Variants in CCDC66 observed in about 807,000 individuals in gnomAD.
CCDC66 encodes the protein coiled-coil domain containing 66.
Under a neutral mutation model 128.3 loss-of-function variants are expected in CCDC66, and 133 were observed. That is an observed-to-expected ratio of 1.04 (90% CI 0.90 to 1.20). The LOEUF (loss-of-function observed/expected upper bound fraction) is 1.20. Among genes scored for constraint, CCDC66 ranks in the 50% most tolerant of loss-of-function variants. The pLI is 0.00. For synonymous variants in CCDC66, 387 were observed against 357.0 expected, an observed-to-expected ratio of 1.08 and a Z score of -0.95; for missense variants, 1,126 against 1,075.5, an observed-to-expected ratio of 1.05 and a Z score of -0.66.
chr3:56,580,325 C>T (rs1185998739), intron 7 of CCDC66, among the ~76,000 whole-genome samples: 2 of 151,400 alleles, frequency 1.3e-5, no homozygotes, highest in Non-Finnish European at 1.5e-5. Flanking sequence ...GATGGGTCTC[C>T]GGAATACAGC....
rs376239711 is a variant in CCDC66 at position 56,593,712 on chromosome 3, T to C, written c.1290T>C (p.Asp430=). ...AGCATATAGCAAAACCTATTAAGGA[T>C]GTGGTTATGGCAAACAGTAAGAAAA... The part of the protein sequence containing the change: ...EEEHIAKPIK[D]VVMANSKKTN... The change falls in exon 9 of 18, where the codon GAT becomes GAC. Residue 430 remains aspartate, a synonymous_variant. Transcript: ENST00000394672. 243 of 1,613,604 alleles carry C rather than the reference T, an allele frequency of 1.5e-4. No homozygotes were observed. Among genetic ancestry groups the C allele is most frequent in the Non-Finnish European group, 2.0e-4 (241 of 1,179,622 alleles).
Position 56,609,529 on chromosome 3 carries a change from G to A in CCDC66, c.1405-4060G>A, listed in dbSNP as rs187170534. On this transcript the variant is annotated intron_variant, in intron 10 of 17. Coordinates refer to ENST00000394672, the MANE Select transcript of CCDC66 (RefSeq NM_001141947.3). ...TTGGTAAGTTCTTATCCATTCTGCA[G>A]TTCTGTATCTTTTAAGTGGAGCCTT... Among the ~76,000 whole-genome samples, 3 of 152,324 alleles carry A rather than the reference G, an allele frequency of 2.0e-5. No homozygotes were observed. In the East Asian group the frequency reaches 5.8e-4, roughly 29 times the overall value.
intron 11 of CCDC66, among the ~76,000 whole-genome samples, chr3:56,614,739 T>C (rs1037768109): frequency 6.6e-6 from 1 of 152,200 alleles, no homozygotes; most frequent in African/African-American, 2.4e-5. Context: ...CCAGTTTCAT[T>C]GAGTTGATAG....
Position 56,616,001 on chromosome 3 carries a change from G to T in CCDC66, c.1791G>T (p.Met597Ile). Residue 597 changes from methionine (M) to isoleucine (I), a missense_variant, in exon 13 of 18, where the codon ATG becomes ATT. Transcript: ENST00000394672. ...RHDSDEISGK[M>I]NTYMNSTTSK... is the part of the protein sequence containing the mutation. ...ATTCTGATGAAATCAGTGGTAAAAT[G>T]AATACATATATGAATTCTACGACTT... The T allele has an allele frequency of 1.3e-6, 2 of 1,587,656 alleles. No individual in the cohort carries two copies. The highest frequency in any genetic ancestry group is 1.5e-5 in the African/African-American group (1 of 68,612).
intron 8 of CCDC66, 137 bp from the exon 9 acceptor site, chr3:56,593,354 A>G: frequency 1.0e-6 from 1 of 963,926 alleles, no homozygotes; most frequent in Non-Finnish European, 1.5e-6. Flanking sequence ...AGGACTCTAA[A>G]CAGTACAGTC....
intron 4 of CCDC66, among the ~76,000 whole-genome samples, chr3:56,564,611 A>G (rs1355755760): frequency 1.3e-5 from 2 of 152,196 alleles, no homozygotes; most frequent in Non-Finnish European, 2.9e-5. Flanking sequence ...TTAAAAAACA[A>G]GGTTAACACA....
chr3:56,608,243 G>T (rs1577921316), intron 10 of CCDC66, among the ~76,000 whole-genome samples: 1 of 152,134 alleles, frequency 6.6e-6, no homozygotes, highest in African/African-American at 2.4e-5. Context: ...GAATGCTGCT[G>T]TTAATCCATC....
chr3:56,610,480 ATTT>A (rs2074639983), intron 10 of CCDC66, among the ~76,000 whole-genome samples: 4 of 151,960 alleles, frequency 2.6e-5, no homozygotes, highest in Admixed American at 6.5e-5. Flanking sequence ...TTCTTGTATC[ATTT>A]TTCTGATTTC....
At chr3:56,601,329 T>G (rs549351307) in intron 10 of CCDC66, among the ~76,000 whole-genome samples, 26 of 152,202 alleles carry the variant, frequency 1.7e-4, no homozygotes, top group Admixed American at 7.9e-4. Context: ...TCTATTCATC[T>G]ATATATCTGT....
In CCDC66 at chr3:56,596,959, C is replaced by T. The variant is rs567536462; in HGVS notation, c.1404+2931C>T. On this transcript the variant is annotated intron_variant, in intron 10 of 17. Transcript: ENST00000394672. Reference sequence around the variant, plus strand: ...TTTTTTAGTACAGATGGGGTTTCACCATGTTGGCCAGGCTGGTCTTGAACT... The same window carrying T: ...TTTTTTAGTACAGATGGGGTTTCACTATGTTGGCCAGGCTGGTCTTGAACT... Among the ~76,000 whole-genome samples the T allele has an allele frequency of 7.2e-4, 108 of 149,430 alleles. 1 individual carries two copies. The highest frequency in any genetic ancestry group is 1.4e-3 in the Non-Finnish European group (96 of 67,534).
intron 13 of CCDC66, 86 bp downstream of exon 13, chr3:56,616,139 C>A: frequency 1.6e-6 from 2 of 1,234,882 alleles, no homozygotes. Flanking sequence ...TTTAAAAGTT[C>A]AAAAATTAAC....
rs773020816 is a variant in CCDC66 at position 56,615,981 on chromosome 3, G to T, written c.1771G>T (p.Asp591Tyr). 1 of 1,598,858 alleles carries T rather than the reference G, an allele frequency of 6.3e-7. No individual in the cohort carries two copies. The highest frequency in any genetic ancestry group is 1.1e-5 in the South Asian group (1 of 89,546). Residue 591 changes from aspartate to tyrosine, a missense_variant, in exon 13 of 18, where the codon GAT becomes TAT. Physicochemically the swap from Asp to Tyr is radical, Grantham distance 160 (BLOSUM62 -3). Coordinates refer to ENST00000394672, the MANE Select transcript of CCDC66 (RefSeq NM_001141947.3). ...SNISNSRHDS[D>Y]EISGKMNTYM... ...CATTTCAAATTCAAGACATGATTCT[G>T]ATGAAATCAGTGGTAAAATGAATAC...
Position 56,614,806 on chromosome 3 carries a change from G to A in CCDC66, c.1567-322G>A, listed in dbSNP as rs374382679. Among the ~76,000 whole-genome samples the A allele has an allele frequency of 3.3e-5, 5 of 152,160 alleles. 1 individual carries two copies. Among genetic ancestry groups the A allele is most frequent in the African/African-American group, 1.2e-4 (5 of 41,522 alleles). ...AAATCAGTAAAGTATCATTTGAACC[G>A]CAAGAAATGGTCATAAATCTTGTGT... On this transcript the variant is annotated intron_variant, in intron 11 of 17. Transcript: ENST00000394672.
chr3:56,594,076 T>C, intron 10 of CCDC66, 48 bp downstream of exon 10: 2 of 1,496,796 alleles, frequency 1.3e-6, no homozygotes, highest in Non-Finnish European at 1.9e-6. Flanking sequence ...GTAACAGTCA[T>C]GGTGAACATA....
At chr3:56,612,482 C>A (rs1196869621) in intron 10 of CCDC66, among the ~76,000 whole-genome samples, 3 of 152,252 alleles carry the variant, frequency 2.0e-5, no homozygotes, top group African/African-American at 7.2e-5. Context: ...CAGGTCAAGC[C>A]AGGCCAATTA....
At chr3:56,608,704 T>C (rs1055272338) in intron 10 of CCDC66, among the ~76,000 whole-genome samples, 2 of 152,202 alleles carry the variant, frequency 1.3e-5, no homozygotes, top group Non-Finnish European at 2.9e-5. Flanking sequence ...AGATTGTCTG[T>C]CTGTGCTCTT....
chr3:56,602,797 G>T, intron 10 of CCDC66, among the ~76,000 whole-genome samples: 1 of 148,614 alleles, frequency 6.7e-6, no homozygotes, highest in East Asian at 2.0e-4. Context: ...ATGGTAGTTT[G>T]TATTTCTGTG....
chr3:56,605,535 C>T (rs1244591884), intron 10 of CCDC66, among the ~76,000 whole-genome samples: 3 of 152,038 alleles, frequency 2.0e-5, no homozygotes, highest in African/African-American at 7.3e-5. Flanking sequence ...CCCTCTGCTG[C>T]AGGTCTGCTG....
chr3:56,571,838 C>T (rs940981402), intron 7 of CCDC66, among the ~76,000 whole-genome samples: 4 of 152,106 alleles, frequency 2.6e-5, no homozygotes, highest in Admixed American at 6.5e-5. Context: ...CCTGCCTCTG[C>T]CTCCCAAATG....
Sources: gnomAD v4.1 joint callset for allele counts (sites outside exome capture counted in the v4.1 genomes callset) on GRCh38, gnomAD v4.1.1 for gene constraint, MANE v1.5 for transcripts, NCBI Gene and HGNC (gene_info 2026-07-23, HGNC 2026-07-21) for gene names.